Variants in CSNK1G1 observed in about 807,000 individuals in gnomAD.
CSNK1G1 encodes casein kinase 1 gamma 1.
In CSNK1G1, 22 loss-of-function variants were observed where a neutral mutation model predicts 59.6. The observed-to-expected ratio is 0.37, with a 90% CI of 0.26 to 0.53. The LOEUF (loss-of-function observed/expected upper bound fraction) is 0.53, where lower values mean the gene tolerates loss of function less well. CSNK1G1 is among the 20% of genes least tolerant of loss of function. The probability of loss-of-function intolerance (pLI) is 0.89; values close to 1 mark genes in which losing one functional copy is unlikely to be tolerated. For synonymous variants in CSNK1G1, 179 were observed against 177.1 expected (o/e 1.01, Z -0.08); for missense variants, 384 against 519.5 (o/e 0.74, Z 2.54).
intron 2 of CSNK1G1, among the ~76,000 whole-genome samples, chr15:64,272,541 G>A (rs941748340): frequency 6.6e-6 from 1 of 152,010 alleles, no homozygotes; most frequent in African/African-American, 2.4e-5. Flanking sequence ...TTAAATGGGG[G>A]TATTTAGCCT....
intron 2 of CSNK1G1, among the ~76,000 whole-genome samples, chr15:64,295,638 T>C (rs1208858591): frequency 6.6e-6 from 1 of 152,144 alleles, no homozygotes; most frequent in East Asian, 1.9e-4. Context: ...CCCTTACACC[T>C]ATCTTGGGAG....
At chr15:64,317,602 T>C (rs1410059305) in intron 1 of CSNK1G1, among the ~76,000 whole-genome samples, 2 of 151,968 alleles carry the variant, frequency 1.3e-5, no homozygotes, top group Non-Finnish European at 2.9e-5. Flanking sequence ...CAGGGTTTCG[T>C]TGTGTTGGCC....
chr15:64,318,675 A>G (rs1896400078), intron 1 of CSNK1G1, among the ~76,000 whole-genome samples: 1 of 151,248 alleles, frequency 6.6e-6, no homozygotes, highest in Non-Finnish European at 1.5e-5. Context: ...CAGTGGTGCA[A>G]TCCCAGCTCA....
At chr15:64,250,893 A>T (rs1322853879) in intron 4 of CSNK1G1, among the ~76,000 whole-genome samples, 6 of 152,236 alleles carry the variant, frequency 3.9e-5, no homozygotes, top group African/African-American at 1.2e-4. Flanking sequence ...TCATCTTCTG[A>T]GAGACTTGTC....
At chr15:64,312,597 A>C (rs1296984126) in intron 1 of CSNK1G1, among the ~76,000 whole-genome samples, 2 of 152,206 alleles carry the variant, frequency 1.3e-5, no homozygotes, top group Admixed American at 6.5e-5. Context: ...CTTATACAAA[A>C]ATTAACTCAA....
intron 1 of CSNK1G1, among the ~76,000 whole-genome samples, chr15:64,326,003 T>C (rs1235969212): frequency 6.6e-6 from 1 of 152,204 alleles, no homozygotes; most frequent in African/African-American, 2.4e-5. Context: ...TTCAGTTTTG[T>C]AGTGTTTTAA....
At chr15:64,316,413 G>A (rs1896266192) in intron 1 of CSNK1G1, among the ~76,000 whole-genome samples, 1 of 151,820 alleles carries the variant, frequency 6.6e-6, no homozygotes, top group South Asian at 2.1e-4. Flanking sequence ...GCACACGCCT[G>A]TAGTCCCAGC....
rs911008645 is a variant in CSNK1G1, at chr15:64,171,047, G to A, written c.*884C>T. ...ACTCTTTCCACTGAGAATGTCCTCT[G>A]GACCCATGTTCTCTCTGAATGGCTT... On this transcript the variant is annotated 3_prime_UTR_variant, in exon 12 of 12. Transcript: ENST00000303052. The surrounding 1 kb of genome is among the most constrained non-coding windows in gnomAD (Gnocchi z 4.8). The A allele has an allele frequency of 4.6e-5, 7 of 152,544 alleles. No individual in the cohort carries two copies. Among genetic ancestry groups the A allele is most frequent in the African/African-American group, 1.4e-4 (6 of 41,390 alleles). 9.4% of individuals were successfully genotyped at this position (152,544 alleles called of 1,614,324 possible).
chr15:64,230,567 A>G (rs905732231), intron 4 of CSNK1G1, among the ~76,000 whole-genome samples: 2 of 152,144 alleles, frequency 1.3e-5, no homozygotes, highest in Non-Finnish European at 2.9e-5. Flanking sequence ...CCAAACTGCC[A>G]GAGTTCTAAA....
chr15:64,212,992 C>T (rs1417594365), intron 6 of CSNK1G1, among the ~76,000 whole-genome samples: 3 of 151,920 alleles, frequency 2.0e-5, no homozygotes, highest in South Asian at 2.1e-4. Context: ...GGTGATAGAG[C>T]GAGACTACAT....
chr15:64,241,913 GTTGT>G (rs1217672617), intron 4 of CSNK1G1, among the ~76,000 whole-genome samples: 1 of 150,940 alleles, frequency 6.6e-6, no homozygotes, highest in Non-Finnish European at 1.5e-5. Context: ...GAAACAAAAA[GTTGT>G]TTTTTTAAAA....
chr15:64,194,517 CTTTTT>C (rs374224209), intron 10 of CSNK1G1, among the ~76,000 whole-genome samples: 3 of 128,324 alleles, frequency 2.3e-5, no homozygotes, highest in Non-Finnish European at 4.9e-5. Context: ...CTTTTCTTTT[CTTTTT>C]TTTTTTTTTT....
At chr15:64,183,797 G>A (rs181699181) in intron 10 of CSNK1G1, among the ~76,000 whole-genome samples, 6 of 149,988 alleles carry the variant, frequency 4.0e-5, no homozygotes, top group Admixed American at 6.6e-5. Flanking sequence ...GTGCAGTGGC[G>A]TGATCTTGGC....
At chr15:64,193,491 C>CAAAAAAA (rs10631811) in intron 10 of CSNK1G1, among the ~76,000 whole-genome samples, 14,298 of 131,596 alleles carry the variant, frequency 0.11, 900 homozygotes, top group South Asian at 0.14. Context: ...GACTCTGTCT[C>CAAAAAAA]AAAAAAAAAA....
intron 4 of CSNK1G1, among the ~76,000 whole-genome samples, chr15:64,246,167 C>T (rs534128930): frequency 5.7e-4 from 86 of 152,122 alleles, no homozygotes; most frequent in Non-Finnish European, 5.7e-4. Flanking sequence ...GATAATTACA[C>T]ATAGATATGC....
rs151063042 is a variant in CSNK1G1 at position 64,287,628 on chromosome 15, T to C, written c.181+12691A>G. On this transcript the variant is annotated intron_variant, in intron 2 of 11. Transcript: ENST00000303052. ...GGTTTGATCCAATTCACTGTTGAAG[T>C]GGATAGGACCAAAATACAGAATTCT... 6.6e-5 allele frequency among the ~76,000 whole-genome samples: 10 copies of C among 152,284 alleles called. No individual in the cohort carries two copies. The East Asian group carries it at 1.9e-3, about 29-fold the overall frequency.
At chr15:64,260,178 G>T (rs1377830805) in intron 2 of CSNK1G1, among the ~76,000 whole-genome samples, 1 of 152,186 alleles carries the variant, frequency 6.6e-6, no homozygotes, top group African/African-American at 2.4e-5. Flanking sequence ...TATCCAGCTA[G>T]AGTGTAAATA....
At chr15:64,174,597 C>T (rs554872066) in intron 11 of CSNK1G1, among the ~76,000 whole-genome samples, 2 of 152,180 alleles carry the variant, frequency 1.3e-5, no homozygotes, top group Non-Finnish European at 2.9e-5. Context: ...TCAGTTGATT[C>T]TTTGACTGTT....
chr15:64,190,989 T>C (rs1029421073), intron 10 of CSNK1G1, among the ~76,000 whole-genome samples: 4 of 152,196 alleles, frequency 2.6e-5, no homozygotes, highest in African/African-American at 7.2e-5. Flanking sequence ...AGCCATTTAA[T>C]GTTGAGTTCT....
Sources: allele counts gnomAD v4.1 joint callset (sites outside exome capture counted in the v4.1 genomes callset), GRCh38; gene constraint gnomAD v4.1.1; non-coding constraint Gnocchi (gnomAD v3.1); transcripts MANE v1.5; gene names NCBI Gene and HGNC (gene_info 2026-07-23, HGNC 2026-07-21).